Variants in HDLBP observed in about 807,000 individuals in gnomAD.
HDLBP encodes high density lipoprotein binding protein.
Under a neutral mutation model 137.3 loss-of-function variants are expected in HDLBP, and 30 were observed. The ratio of observed to expected loss-of-function variants is 0.22; its 90% CI spans 0.16 to 0.30. The LOEUF (loss-of-function observed/expected upper bound fraction) is 0.30. Among genes scored for constraint, HDLBP ranks in the 10% least tolerant of loss-of-function variants. The pLI, the probability that HDLBP is intolerant of heterozygous loss-of-function variation, is 1.00. For missense variants in HDLBP, 1,119 were observed against 1,667.3 expected (o/e 0.67, Z 5.73); for synonymous variants, 606 against 596.0 (o/e 1.02, Z -0.24).
At chr2:241,276,532 T>A (rs1366966929) in intron 1 of HDLBP, among the ~76,000 whole-genome samples, 1 of 152,144 alleles carries the variant, frequency 6.6e-6, no homozygotes, top group Non-Finnish European at 1.5e-5. Flanking sequence ...AAATACGTGT[T>A]AACAGACTAA....
At position 241,240,175 on chromosome 2, in the gene HDLBP, G is replaced by A; in HGVS notation, c.2170-53C>T. ...CCTGACACCACGTGCCTGGACCACAGTGAGGAAGACAAGAGGGTCTGTAGG... is the reference window on the plus strand; with the variant it reads ...CCTGACACCACGTGCCTGGACCACAATGAGGAAGACAAGAGGGTCTGTAGG... On this transcript the variant is annotated intron_variant, in intron 17 of 27. Transcript: ENST00000310931. The surrounding 1 kb of genome is among the most constrained non-coding windows in gnomAD (Gnocchi z 5.5). 6.4e-7 allele frequency: 1 copy of A among 1,556,828 alleles called. No individual in the cohort carries two copies. Among genetic ancestry groups the A allele is most frequent in the Non-Finnish European group, 8.9e-7 (1 of 1,127,790 alleles).
chr2:241,288,841 T>G (rs1406251945), intron 1 of HDLBP, among the ~76,000 whole-genome samples: 1 of 152,188 alleles, frequency 6.6e-6, no homozygotes, highest in African/African-American at 2.4e-5. Context: ...GGAAGGGCCA[T>G]TCCCCTTTAG....
chr2:241,240,165 C>A lies in HDLBP; in HGVS notation c.2170-43G>T. On this transcript the variant is annotated intron_variant, in intron 17 of 27. Transcript: ENST00000310931. This position sits in a 1 kb window ranked among gnomAD's most constrained non-coding sequence, Gnocchi z 5.5. ...ACTGTGTTAGCCTGACACCACGTGC[C>A]TGGACCACAGTGAGGAAGACAAGAG... 6.3e-7 allele frequency: 1 copy of A among 1,587,672 alleles called. No homozygotes were observed. Among genetic ancestry groups the A allele is most frequent in the South Asian group, 1.1e-5 (1 of 90,458 alleles).
Position 241,229,571 on chromosome 2 carries a change from G to A in HDLBP, c.*30C>T. 1.3e-6 allele frequency: 2 copies of A among 1,555,454 alleles called. No homozygotes were observed. Among genetic ancestry groups the A allele is most frequent in the Non-Finnish European group, 1.8e-6 (2 of 1,128,108 alleles). ...TTGTGTGGTTGGGTTTGGGTCAGCA[G>A]GCTGGAGAGGGTTCTGTTCTTTTTG... On this transcript the variant is annotated 3_prime_UTR_variant, in exon 28 of 28. Coordinates refer to ENST00000310931, the MANE Select transcript of HDLBP (RefSeq NM_005336.6).
chr2:241,254,884 C>T (rs575408883), intron 9 of HDLBP, among the ~76,000 whole-genome samples, 167 bp downstream of exon 9: 3 of 152,328 alleles, frequency 2.0e-5, no homozygotes, highest in African/African-American at 4.8e-5. Flanking sequence ...TTCTGCTGTT[C>T]TTTAAGCTAA....
intron 1 of HDLBP, among the ~76,000 whole-genome samples, chr2:241,309,096 T>G (rs2149719146): frequency 6.6e-6 from 1 of 152,336 alleles, no homozygotes; most frequent in Middle Eastern, 3.4e-3. Context: ...TTTGCTCATC[T>G]CAAGTTTGAA....
intron 14 of HDLBP, chr2:241,247,377 C>T (rs1469130347): frequency 1.9e-6 from 1 of 534,148 alleles, no homozygotes. Context: ...GAGTTCATGT[C>T]CCATGCCAGG....
chr2:241,265,441 A>G (rs898536849), intron 3 of HDLBP, among the ~76,000 whole-genome samples: 2 of 152,154 alleles, frequency 1.3e-5, no homozygotes, highest in Non-Finnish European at 2.9e-5. Flanking sequence ...TGCAGTGGCA[A>G]TTGTCACCGC....
At position 241,227,635 on chromosome 2, in the gene HDLBP, CAG is replaced by C. The variant is rs1322471718; in HGVS notation, c.*1964_*1965del. On this transcript the variant is annotated 3_prime_UTR_variant, in exon 28 of 28. Coordinates refer to ENST00000310931, the MANE Select transcript of HDLBP (RefSeq NM_005336.6). ...CGCGTCTAAGACATCAAGCGACATA[CAG>C]AGATGTGCAAAACTTGGTGAGAATT... 1 of 151,674 alleles carries C rather than the reference CAG, an allele frequency of 6.6e-6. No individual in the cohort carries two copies. The highest frequency in any genetic ancestry group is 2.4e-5 in the African/African-American group (1 of 41,090). 9.4% of individuals were successfully genotyped at this position (151,674 alleles called of 1,614,324 possible). A position where few individuals can be genotyped will look rare whatever the true frequency, so the allele number is the denominator to read the frequency against.
At chr2:241,236,509 C>T (rs1020260328) in intron 21 of HDLBP, 106 bp downstream of exon 21, 11 of 1,131,658 alleles carry the variant, frequency 9.7e-6, no homozygotes, top group Admixed American at 3.8e-5. Context: ...ACCTCCACTG[C>T]CACTGCCGCT....
At chr2:241,262,621 A>G (rs2073296153) in intron 5 of HDLBP, 90 bp downstream of exon 5, 1 of 930,214 alleles carries the variant, frequency 1.1e-6, no homozygotes, top group Non-Finnish European at 1.7e-6. Context: ...ACTGGTAGGA[A>G]GGGTCCAGTG....
At chr2:241,234,761 G>T (rs999266279) in intron 23 of HDLBP, among the ~76,000 whole-genome samples, 1 of 152,206 alleles carries the variant, frequency 6.6e-6, no homozygotes, top group Non-Finnish European at 1.5e-5. Flanking sequence ...CTGTGCTAGA[G>T]GTTAGTGGGG....
At chr2:241,267,613 T>C (rs2073776541) in intron 2 of HDLBP, 3 of 1,535,608 alleles carry the variant, frequency 2.0e-6, no homozygotes, top group South Asian at 2.4e-5. Context: ...TGACAGTTGC[T>C]ACAAAAAGCC....
At chr2:241,298,770 T>A (rs1258757340) in intron 1 of HDLBP, among the ~76,000 whole-genome samples, 1 of 152,144 alleles carries the variant, frequency 6.6e-6, no homozygotes, top group Non-Finnish European at 1.5e-5. Flanking sequence ...CCTTGTACTG[T>A]TCCAGCCAGA....
rs974882501 is a variant in HDLBP at position 241,273,699 on chromosome 2, G to A, written c.-102-5158C>T. 4 of 979,874 alleles carry A rather than the reference G, an allele frequency of 4.1e-6. No individual in the cohort carries two copies. The African/African-American group carries it at 7.0e-5, about 17-fold the overall frequency. 60.7% of individuals were successfully genotyped at this position (979,874 alleles called of 1,614,324 possible). Reference sequence around the variant, plus strand: ...ATCAACTACAGGTATCTGGGGACAAGACCGTCCCACACAGGGGAAGAGGTA... The same window carrying A: ...ATCAACTACAGGTATCTGGGGACAAAACCGTCCCACACAGGGGAAGAGGTA... On this transcript the variant is annotated intron_variant, in intron 1 of 27. Transcript: ENST00000310931.
rs141875754 is a variant in HDLBP at position 241,230,768 on chromosome 2, G to A, written c.3465C>T (p.Asp1155=). The A allele has an allele frequency of 5.5e-5, 88 of 1,614,008 alleles. 1 individual carries two copies. Among genetic ancestry groups the A allele is most frequent in the Middle Eastern group, 4.9e-4 (3 of 6,080 alleles). Residue 1155 remains aspartate, a synonymous_variant, in exon 25 of 28, where the codon GAC becomes GAT. Transcript: ENST00000310931. This position sits in a 1 kb window ranked among gnomAD's most constrained non-coding sequence, Gnocchi z 5.0. ...CTTCCAGCCGGCTCACCTTGAATTC[G>A]TCCATGATTTTGCGAATGGCTTTGC... The part of the protein sequence containing the change: ...ARGKAIRKIM[D]EFKVDIRFPQ...
chr2:241,229,826 A>C lies in HDLBP; in HGVS notation c.3720+7T>G, dbSNP rs1559468436. On this transcript the variant is annotated splice_region_variant and intron_variant, in intron 27 of 27. Coordinates refer to ENST00000310931, the MANE Select transcript of HDLBP (RefSeq NM_005336.6). ...GGGACCCAGGAGGGCAGAAGCCCGC[A>C]TCTGACCTTCTCACTGCTGCTGGCG... is the stretch of plus-strand genomic sequence containing the variant. 2 of 998,254 alleles carry C rather than the reference A, an allele frequency of 2.0e-6. No individual in the cohort carries two copies. The highest frequency in any genetic ancestry group is 1.8e-5 in the African/African-American group (1 of 55,580). The allele number at this position is 998,254 out of a possible 1,614,324, so 61.8% of individuals were successfully genotyped here.
chr2:241,280,002 G>C, intron 1 of HDLBP: 2 of 985,436 alleles, frequency 2.0e-6, no homozygotes, highest in Non-Finnish European at 2.4e-6. Flanking sequence ...CAGCGGACCA[G>C]GGGTCATCTC....
intron 16 of HDLBP, among the ~76,000 whole-genome samples, chr2:241,243,335 T>C (rs1419798948): frequency 2.6e-5 from 4 of 152,346 alleles, no homozygotes; most frequent in Admixed American, 6.5e-5. Context: ...ACCCTGGGCC[T>C]GGGAAAGAAT....
Sources: allele counts gnomAD v4.1 joint callset (sites outside exome capture counted in the v4.1 genomes callset), GRCh38; gene constraint gnomAD v4.1.1; non-coding constraint Gnocchi (gnomAD v3.1); transcripts MANE v1.5; gene names NCBI Gene and HGNC (gene_info 2026-07-23, HGNC 2026-07-21).